Variants in AMPD2 observed in about 807,000 individuals in gnomAD.
AMPD2 encodes the protein AMP deaminase 2.
In AMPD2, 52 loss-of-function variants were observed where a neutral mutation model predicts 91.3. The ratio of observed to expected loss-of-function variants is 0.57; its 90% CI spans 0.46 to 0.72. AMPD2 has a LOEUF of 0.72. Ranked by LOEUF, AMPD2 falls within the 30% of genes least tolerant of loss-of-function variation. The pLI, the probability that AMPD2 is intolerant of heterozygous loss-of-function variation, is 0.00. For missense variants in AMPD2, 822 were observed against 1,122.3 expected (o/e 0.73, Z 3.82); for synonymous variants, 455 against 456.4 (o/e 1.00, Z 0.04).
chr1:109,630,645 C>A (rs1412516714), intron 17 of AMPD2, 38 bp from the exon 18 acceptor site: 3 of 1,566,664 alleles, frequency 1.9e-6, no homozygotes, highest in Non-Finnish European at 2.6e-6. Flanking sequence ...GGGCAGCTGG[C>A]CAGGGCGCAC....
rs189398625 is a variant in AMPD2, at chr1:109,631,143, G to A, written c.2469G>A (p.Gly823=). Residue 823 remains glycine, a synonymous_variant, in exon 19 of 19, where the codon GGG becomes GGA. Coordinates refer to ENST00000528667, the MANE Select transcript of AMPD2 (RefSeq NM_001368809.2). ...AGGCGGGTATCACCATGAGCCCAGG[G>A]CCTCAATGAGCCTGGTCCATGAAGT... ...PEEAGITMSP[G]PQ 5.1e-6 allele frequency: 8 copies of A among 1,579,338 alleles called. No homozygotes were observed. The highest frequency in any genetic ancestry group is 6.9e-6 in the Non-Finnish European group (8 of 1,162,670).
Position 109,625,769 on chromosome 1 carries a change from G to A in AMPD2, c.330G>A (p.Glu110=), listed in dbSNP as rs754388238. 1 of 1,614,090 alleles carries A rather than the reference G, an allele frequency of 6.2e-7. No homozygotes were observed. Among genetic ancestry groups the A allele is most frequent in the South Asian group, 1.1e-5 (1 of 91,086 alleles). ...EQLEERRQRL[E]RQISQDVKLE... is the part of the protein sequence containing the mutation. ...TGGAGGAGCGGCGGCAGCGGCTGGA[G>A]CGGCAGATCAGCCAGGATGTCAAGT... Residue 110 remains glutamate, a synonymous_variant, in exon 4 of 19, where the codon GAG becomes GAA. Transcript: ENST00000528667. The surrounding 1 kb of genome is among the most constrained non-coding windows in gnomAD (Gnocchi z 4.0).
At position 109,621,128 on chromosome 1, in the gene AMPD2, A is replaced by AGCCGGT; in HGVS notation, c.-43_-38dup. The stretch of plus-strand genomic sequence containing the variant: ...GTTGGATGTGGCAGAGCCAGGCCCC[A>AGCCGGT]GCCGGTGCCGCTCAGACTCCCCCGC... On this transcript the variant is annotated 5_prime_UTR_variant, in exon 2 of 19. Coordinates refer to ENST00000528667, the MANE Select transcript of AMPD2 (RefSeq NM_001368809.2). 6.3e-7 allele frequency: 1 copy of AGCCGGT among 1,599,054 alleles called. No individual in the cohort carries two copies. The highest frequency in any genetic ancestry group is 8.5e-7 in the Non-Finnish European group (1 of 1,172,676).
At position 109,627,770 on chromosome 1, in the gene AMPD2, C is replaced by A. The variant is rs1366918149; in HGVS notation, c.951-4C>A. The A allele has an allele frequency of 6.2e-7, 1 of 1,613,902 alleles. No individual in the cohort carries two copies. The highest frequency in any genetic ancestry group is 1.1e-5 in the South Asian group (1 of 91,042). ...AGTCCCTGCCTTGTTCTCCTCATGC[C>A]CAGAAAGTCATTCTGCTACCGCCGG... On this transcript the variant is annotated splice_polypyrimidine_tract_variant and splice_region_variant and intron_variant, in intron 9 of 18. Transcript: ENST00000528667.
chr1:109,627,048 G>A, intron 7 of AMPD2, 127 bp from the exon 8 acceptor site: 1 of 1,550,412 alleles, frequency 6.4e-7, no homozygotes, highest in Non-Finnish European at 8.7e-7. Context: ...TACAGGGGTG[G>A]AGGTTGGGCA....
chr1:109,620,350 G>T, intron 1 of AMPD2, 72 bp downstream of exon 1: 1 of 1,597,762 alleles, frequency 6.3e-7, no homozygotes, highest in South Asian at 1.1e-5. Flanking sequence ...GTGACAAGAG[G>T]GTGGGAGTCA....
In AMPD2 at chr1:109,628,978, T is replaced by G; in HGVS notation, c.1572-131T>G. On this transcript the variant is annotated intron_variant, in intron 13 of 18. Coordinates refer to ENST00000528667, the MANE Select transcript of AMPD2 (RefSeq NM_001368809.2). This position sits in a 1 kb window ranked among gnomAD's most constrained non-coding sequence, Gnocchi z 7.1. ...GTCTGTCCAGCCTGGCCCACCTGGG[T>G]ATCCTTGCTTTCCCAATATGGTTCA... 6.9e-7 allele frequency: 1 copy of G among 1,449,924 alleles called. No individual in the cohort carries two copies. The highest frequency in any genetic ancestry group is 9.2e-7 in the Non-Finnish European group (1 of 1,083,130). 89.8% of individuals were successfully genotyped at this position (1,449,924 alleles called of 1,614,324 possible). A position where few individuals can be genotyped will look rare whatever the true frequency, so the allele number is the denominator to read the frequency against.
chr1:109,628,026 C>A lies in AMPD2; in HGVS notation c.1081-57C>A. 1 of 1,599,042 alleles carries A rather than the reference C, an allele frequency of 6.3e-7. No homozygotes were observed. The highest frequency in any genetic ancestry group is 8.5e-7 in the Non-Finnish European group (1 of 1,171,256). ...GAGGGTCCTTTCCCATTGCACTGCC[C>A]CAGGCCCCAGACCTTCCTGGCCTCT... On this transcript the variant is annotated intron_variant, in intron 10 of 18. Transcript: ENST00000528667. The surrounding 1 kb of genome is among the most constrained non-coding windows in gnomAD (Gnocchi z 7.1).
rs1015302113 is a variant in AMPD2 at position 109,625,088 on chromosome 1, C to A, written c.92-215C>A. On this transcript the variant is annotated intron_variant, in intron 2 of 18. Coordinates refer to ENST00000528667, the MANE Select transcript of AMPD2 (RefSeq NM_001368809.2). This position sits in a 1 kb window ranked among gnomAD's most constrained non-coding sequence, Gnocchi z 4.0. ...TCTAGGGGCAGACTCAGAATCCCCA[C>A]CCCAAGCCTGGAATGGGTGAGGGGT... Among the ~76,000 whole-genome samples the A allele has an allele frequency of 5.9e-5, 9 of 152,112 alleles. No individual in the cohort carries two copies. Among genetic ancestry groups the A allele is most frequent in the South Asian group, 2.1e-4 (1 of 4,834 alleles).
At chr1:109,622,309 G>A in intron 2 of AMPD2, 1 of 456,298 alleles carries the variant, frequency 2.2e-6, no homozygotes, top group South Asian at 1.5e-5. Context: ...TAGGGCAACT[G>A]ATACGGATCT....
chr1:109,621,926 G>A (rs2101144125), intron 2 of AMPD2, among the ~76,000 whole-genome samples: 1 of 152,348 alleles, frequency 6.6e-6, no homozygotes, highest in Middle Eastern at 3.4e-3. Context: ...CCTTTGGTTC[G>A]TCTCTCACTC....
rs1213363055 is a variant in AMPD2, at chr1:109,620,921, C to T, written c.-255C>T. ...CTCCCCGCCCCCCGCCAGGCCCAGCCACCATCAGTCACGTCACTCCTGGGA... is the reference window on the plus strand; with the variant it reads ...CTCCCCGCCCCCCGCCAGGCCCAGCTACCATCAGTCACGTCACTCCTGGGA... On this transcript the variant is annotated 5_prime_UTR_variant, in exon 2 of 19. Transcript: ENST00000528667. The T allele has an allele frequency of 4.0e-6, 6 of 1,491,728 alleles. No homozygotes were observed. Among genetic ancestry groups the T allele is most frequent in the South Asian group, 2.8e-5 (2 of 71,816 alleles). 92.4% of individuals were successfully genotyped at this position (1,491,728 alleles called of 1,614,324 possible).
At position 109,631,435 on chromosome 1, in the gene AMPD2, G is replaced by T. The variant is rs1223094659; in HGVS notation, c.*283G>T. 16 of 520,410 alleles carry T rather than the reference G, an allele frequency of 3.1e-5. No homozygotes were observed. The allele number at this position is 520,410 out of a possible 1,614,324, so 32.2% of individuals were successfully genotyped here. On this transcript the variant is annotated 3_prime_UTR_variant, in exon 19 of 19. Transcript: ENST00000528667. Reference sequence around the variant, plus strand: ...CCTCAGAAGCCTGACTGTCCTATGGGCTTCTCCAGTGTCCACAGGGGCTTG... The same window carrying T: ...CCTCAGAAGCCTGACTGTCCTATGGTCTTCTCCAGTGTCCACAGGGGCTTG...
At position 109,624,298 on chromosome 1, in the gene AMPD2, C is replaced by T. The variant is rs1209704726; in HGVS notation, c.92-1005C>T. 2.6e-5 allele frequency among the ~76,000 whole-genome samples: 4 copies of T among 152,188 alleles called. No individual in the cohort carries two copies. Among genetic ancestry groups the T allele is most frequent in the Non-Finnish European group, 5.9e-5 (4 of 68,036 alleles). The stretch of plus-strand genomic sequence containing the variant: ...GCTGGAGGGGAGCACTCCTTACAGC[C>T]GGCTGAGAGAGGCAGTTTGGGTGTG... On this transcript the variant is annotated intron_variant, in intron 2 of 18. Coordinates refer to ENST00000528667, the MANE Select transcript of AMPD2 (RefSeq NM_001368809.2). The surrounding 1 kb of genome is among the most constrained non-coding windows in gnomAD (Gnocchi z 5.2).
At position 109,627,168 on chromosome 1, in the gene AMPD2, C is replaced by A. The variant is rs1277431048; in HGVS notation, c.719-7C>A. On this transcript the variant is annotated splice_polypyrimidine_tract_variant and splice_region_variant and intron_variant, in intron 7 of 18. Coordinates refer to ENST00000528667, the MANE Select transcript of AMPD2 (RefSeq NM_001368809.2). Reference sequence around the variant, plus strand: ...CTGCTCTGACTTTACCCTCCTCACCCCTGCAGATGCCCCGGTGCACCCCCC... The same window carrying A: ...CTGCTCTGACTTTACCCTCCTCACCACTGCAGATGCCCCGGTGCACCCCCC... 6.2e-7 allele frequency: 1 copy of A among 1,612,582 alleles called. No individual in the cohort carries two copies. Among genetic ancestry groups the A allele is most frequent in the East Asian group, 2.2e-5 (1 of 44,882 alleles).
In AMPD2 at chr1:109,631,112, C is replaced by T. The variant is rs1651225299; in HGVS notation, c.2438C>T (p.Pro813Leu). The T allele has an allele frequency of 6.2e-7, 1 of 1,603,982 alleles. No homozygotes were observed. The highest frequency in any genetic ancestry group is 1.1e-5 in the South Asian group (1 of 89,498). Residue 813 changes from proline (P) to leucine (L), a missense_variant, in exon 19 of 19, where the codon CCA becomes CTA. Around this residue, in one of 5 missense-constraint regions of AMPD2, gnomAD observed 430 missense variants for 606.0 expected, o/e 0.71. Transcript: ENST00000528667. ...AVQSEMLETI[P>L]EEAGITMSPG... ...CAGAGTGAGATGCTGGAGACCATTC[C>T]AGAGGAGGCGGGTATCACCATGAGC...
intron 4 of AMPD2, 115 bp from the exon 5 acceptor site, chr1:109,626,045 T>A: frequency 2.4e-6 from 3 of 1,262,108 alleles, no homozygotes; most frequent in Non-Finnish European, 3.4e-6. Context: ...TCTGCAGCTC[T>A]GCCTTTGAGG....
intron 15 of AMPD2, 68 bp downstream of exon 15, chr1:109,629,558 T>G (rs766574567): frequency 6.3e-7 from 1 of 1,578,306 alleles, no homozygotes; most frequent in Non-Finnish European, 8.6e-7. Context: ...TCTTGGCACC[T>G]TGGGCCAGGG....
Position 109,625,965 on chromosome 1 carries a change from G to A in AMPD2, c.353+173G>A. The A allele has an allele frequency of 3.3e-6, 4 of 1,208,126 alleles. No individual in the cohort carries two copies. Among genetic ancestry groups the A allele is most frequent in the Non-Finnish European group, 4.6e-6 (4 of 860,810 alleles). The allele number at this position is 1,208,126 out of a possible 1,614,324, so 74.8% of individuals were successfully genotyped here. On this transcript the variant is annotated intron_variant, in intron 4 of 18. Transcript: ENST00000528667. The surrounding 1 kb of genome is among the most constrained non-coding windows in gnomAD (Gnocchi z 4.0). ...TGTTCTGTCTTCTAGCCGCCGGTGT[G>A]GCTGGGTCATGTTGCTTAACTTATG...
Sources: allele counts gnomAD v4.1 joint callset (sites outside exome capture counted in the v4.1 genomes callset), GRCh38; gene constraint gnomAD v4.1.1; regional missense constraint gnomAD v4.1.1; non-coding constraint Gnocchi (gnomAD v3.1); transcripts MANE v1.5; gene names NCBI Gene and HGNC (gene_info 2026-07-23, HGNC 2026-07-21).